Variants in ADGRV1 observed in about 807,000 individuals in gnomAD.
ADGRV1 encodes the protein G-protein coupled receptor 98.
A neutral mutation model predicts 596.2 loss-of-function variants in ADGRV1; 359 were observed. That is an observed-to-expected ratio of 0.60 (90% CI 0.55 to 0.66). The LOEUF (loss-of-function observed/expected upper bound fraction) is 0.66. Ranked by LOEUF, ADGRV1 falls within the 30% of genes least tolerant of loss-of-function variation. ADGRV1 has a pLI of 0.00. For missense variants in ADGRV1, 7,274 were observed against 7,575.6 expected (o/e 0.96, Z 1.48); for synonymous variants, 2,681 against 2,679.2 (o/e 1.00, Z -0.02).
At chr5:90,801,995 T>A (rs943079610) in intron 70 of ADGRV1, among the ~76,000 whole-genome samples, 1 of 152,194 alleles carries the variant, frequency 6.6e-6, no homozygotes, top group Non-Finnish European at 1.5e-5. Context: ...TGATGAATTA[T>A]TAGTATTCAA....
rs1400255034 is a variant in ADGRV1 at position 91,163,711 on chromosome 5, T to A, written c.18803-71T>A. The A allele has an allele frequency of 2.2e-5, 14 of 639,622 alleles. No individual in the cohort carries two copies. In the East Asian group the frequency reaches 3.8e-4, roughly 17 times the overall value. The allele number at this position is 639,622 out of a possible 1,614,324, so 39.6% of individuals were successfully genotyped here. A position where few individuals can be genotyped will look rare whatever the true frequency, so the allele number is the denominator to read the frequency against. On this transcript the variant is annotated intron_variant, in intron 89 of 89. Transcript: ENST00000405460. ...TAGAAATAAACAGGCTTGGACCTAA[T>A]GTAAATTGATTCTTAAGAATTCACT... is the stretch of plus-strand genomic sequence containing the variant.
chr5:90,902,526 C>T (rs768145807), intron 83 of ADGRV1, among the ~76,000 whole-genome samples: 58 of 152,068 alleles, frequency 3.8e-4, no homozygotes, highest in Middle Eastern at 3.2e-3. Context: ...CATATATTTG[C>T]TCTGCAAGTC....
At chr5:90,984,155 G>C (rs1289793440) in intron 84 of ADGRV1, among the ~76,000 whole-genome samples, 3 of 151,964 alleles carry the variant, frequency 2.0e-5, no homozygotes, top group Non-Finnish European at 1.5e-5. Flanking sequence ...GTTGTGACTT[G>C]CCCAAGATTA....
At chr5:90,821,462 A>G (rs1249988854) in intron 75 of ADGRV1, among the ~76,000 whole-genome samples, 1 of 151,596 alleles carries the variant, frequency 6.6e-6, no homozygotes, top group Non-Finnish European at 1.5e-5. Flanking sequence ...CTGGTGAGGA[A>G]CTGCGTTCCT....
Position 90,681,400 on chromosome 5 carries a change from A to G in ADGRV1, c.5610A>G (p.Ser1870=). The change falls in exon 27 of 90, where the codon TCA becomes TCG. Residue 1870 remains serine, a synonymous_variant. Transcript: ENST00000405460. ...GCGTATTTGAATTTAGCCCTGAGTC[A>G]CTCTTTGTCAGTGGAACTGAACCAG... The part of the protein sequence containing the change: ...AHGVFEFSPE[S]LFVSGTEPED... 6.2e-7 allele frequency: 1 copy of G among 1,613,724 alleles called. No individual in the cohort carries two copies. The highest frequency in any genetic ancestry group is 1.1e-5 in the South Asian group (1 of 91,066).
Position 90,606,774 on chromosome 5 carries a change from T to TAGATATCCTGGTATTCC in ADGRV1, c.23-8060_23-8044dup, listed in dbSNP as rs540088706. ...GTTGCCCTCTACACCTAGGGGGCAG[T>TAGATATCCTGGTATTCC]AGATATCCTGGTATTCCCCTTTATA... On this transcript the variant is annotated intron_variant, in intron 1 of 89. Coordinates refer to ENST00000405460, the MANE Select transcript of ADGRV1 (RefSeq NM_032119.4). Among the ~76,000 whole-genome samples the TAGATATCCTGGTATTCC allele has an allele frequency of 5.4e-3, 822 of 152,304 alleles. 6 individuals carry two copies. Among genetic ancestry groups the TAGATATCCTGGTATTCC allele is most frequent in the Non-Finnish European group, 8.9e-3 (605 of 68,016 alleles).
chr5:90,609,797 G>T lies in ADGRV1; in HGVS notation c.23-5038G>T, dbSNP rs142156147. Among the ~76,000 whole-genome samples, 289 of 152,078 alleles carry T rather than the reference G, an allele frequency of 1.9e-3. 3 individuals are homozygous for T. The highest frequency in any genetic ancestry group is 0.01 in the Middle Eastern group (3 of 294). ...CAAGGTAAAAGATGAAGCTAATAAG[G>T]TCAATGCGTTCATTCAATTCTGCAC... On this transcript the variant is annotated intron_variant, in intron 1 of 89. Transcript: ENST00000405460.
intron 52 of ADGRV1, among the ~76,000 whole-genome samples, chr5:90,747,426 A>G (rs1754748472): frequency 6.6e-6 from 1 of 152,118 alleles, no homozygotes. Context: ...GCTATGATTT[A>G]TTACGGCAAA....
intron 20 of ADGRV1, 183 bp downstream of exon 20, chr5:90,654,135 A>G (rs1402218128): frequency 1.2e-5 from 8 of 676,254 alleles, no homozygotes; most frequent in African/African-American, 1.8e-5. Context: ...TGAGTGTTAC[A>G]GAAATGAATC....
At chr5:90,958,058 C>G (rs1777637647) in intron 83 of ADGRV1, among the ~76,000 whole-genome samples, 1 of 151,220 alleles carries the variant, frequency 6.6e-6, no homozygotes, top group Non-Finnish European at 1.5e-5. Flanking sequence ...GGTGGATCAC[C>G]TGAGCTCAGG....
intron 87 of ADGRV1, among the ~76,000 whole-genome samples, chr5:91,143,916 G>T (rs1366534691): frequency 6.6e-6 from 1 of 152,196 alleles, no homozygotes; most frequent in African/African-American, 2.4e-5. Flanking sequence ...GTCTGGAGGG[G>T]GTCAAGGCAG....
chr5:91,008,858 T>G (rs1036478335), intron 85 of ADGRV1, among the ~76,000 whole-genome samples: 6 of 152,176 alleles, frequency 3.9e-5, no homozygotes, highest in Admixed American at 2.6e-4. Context: ...TCTTGAAAAT[T>G]TAACCATCAG....
Position 90,820,516 on chromosome 5 carries a change from G to C in ADGRV1, c.16197-2909G>C, listed in dbSNP as rs544828207. Reference sequence around the variant, plus strand: ...ATGCAGTTTCTTCTTAGTCTCGATGGTCTTTACATTTTGGCATGATTTTGC... The same window carrying C: ...ATGCAGTTTCTTCTTAGTCTCGATGCTCTTTACATTTTGGCATGATTTTGC... On this transcript the variant is annotated intron_variant, in intron 75 of 89. Transcript: ENST00000405460. Among the ~76,000 whole-genome samples the C allele has an allele frequency of 2.6e-5, 4 of 152,072 alleles. No homozygotes were observed. The South Asian group carries it at 8.3e-4, about 32-fold the overall frequency.
At chr5:91,135,313 T>G (rs1272450703) in intron 87 of ADGRV1, among the ~76,000 whole-genome samples, 1 of 152,188 alleles carries the variant, frequency 6.6e-6, no homozygotes. Context: ...GCTTTAAACA[T>G]GCACACGCAT....
At chr5:90,597,058 AG>A (rs1460851326) in intron 1 of ADGRV1, among the ~76,000 whole-genome samples, 3 of 152,188 alleles carry the variant, frequency 2.0e-5, no homozygotes, top group Non-Finnish European at 4.4e-5. Flanking sequence ...GGTAGTTGGG[AG>A]GTTACACTTA....
chr5:90,670,592 G>A (rs1183268750), intron 21 of ADGRV1, among the ~76,000 whole-genome samples: 2 of 152,048 alleles, frequency 1.3e-5, no homozygotes, highest in Non-Finnish European at 2.9e-5. Context: ...TTGCATATCG[G>A]CCAGACTCTC....
chr5:90,581,492 T>G (rs1758053643), intron 1 of ADGRV1, among the ~76,000 whole-genome samples: 1 of 152,184 alleles, frequency 6.6e-6, no homozygotes, highest in Non-Finnish European at 1.5e-5. Flanking sequence ...TGTTTGTGAG[T>G]TTTCCTTCTA....
At chr5:90,702,442 A>G (rs1163685383) in intron 34 of ADGRV1, among the ~76,000 whole-genome samples, 1 of 151,884 alleles carries the variant, frequency 6.6e-6, no homozygotes, top group African/African-American at 2.4e-5. Context: ...ACTCTCCTTA[A>G]AATGTTCATT....
chr5:90,725,725 C>G, intron 48 of ADGRV1, 69 bp downstream of exon 48: 1 of 881,694 alleles, frequency 1.1e-6, no homozygotes, highest in Non-Finnish European at 1.8e-6. Context: ...TGAAATTTAC[C>G]AAAGGTATGG....
Sources: gnomAD v4.1 joint callset for allele counts (sites outside exome capture counted in the v4.1 genomes callset) on GRCh38, gnomAD v4.1.1 for gene constraint, MANE v1.5 for transcripts, NCBI Gene and HGNC (gene_info 2026-07-23, HGNC 2026-07-21) for gene names.